The following ADAMTS12 variants were observed in gnomAD, a reference collection of about 807,000 sequenced individuals.
ADAMTS12 encodes ADAM metallopeptidase with thrombospondin type 1 motif 12.
In ADAMTS12, 118 loss-of-function variants were observed where a neutral mutation model predicts 167.8. The ratio of observed to expected loss-of-function variants is 0.70; its 90% CI spans 0.61 to 0.82. The LOEUF is 0.82. Ranked by LOEUF, ADAMTS12 falls within the 40% of genes least tolerant of loss-of-function variation. The pLI is 0.00. For missense variants in ADAMTS12, 1,916 were observed against 1,998.8 expected, an observed-to-expected ratio of 0.96 and a Z score of 0.79; for synonymous variants, 704 against 716.9, an observed-to-expected ratio of 0.98 and a Z score of 0.29.
intron 23 of ADAMTS12, among the ~76,000 whole-genome samples, chr5:33,533,780 A>G (rs936945113): frequency 6.6e-6 from 1 of 152,122 alleles, no homozygotes; most frequent in Admixed American, 6.5e-5. Context: ...GACACCCTTA[A>G]CTAGATAATT....
At chr5:33,549,635 G>A (rs554706403) in intron 20 of ADAMTS12, among the ~76,000 whole-genome samples, 5 of 152,216 alleles carry the variant, frequency 3.3e-5, no homozygotes, top group Non-Finnish European at 5.9e-5. Flanking sequence ...ACTGAAGTAC[G>A]CTGAGCCTCA....
chr5:33,543,890 C>G (rs563747686), intron 22 of ADAMTS12, among the ~76,000 whole-genome samples: 1 of 152,080 alleles, frequency 6.6e-6, no homozygotes, highest in Non-Finnish European at 1.5e-5. Flanking sequence ...TTATGACAAA[C>G]CCACAGCCAA....
chr5:33,626,880 G>A (rs573261591), intron 13 of ADAMTS12, among the ~76,000 whole-genome samples: 35 of 150,440 alleles, frequency 2.3e-4, no homozygotes, highest in South Asian at 1.3e-3. Context: ...TAGTGATAGC[G>A]GTGGTGATGG....
At chr5:33,778,408 T>C (rs761025200) in intron 2 of ADAMTS12, among the ~76,000 whole-genome samples, 1 of 152,162 alleles carries the variant, frequency 6.6e-6, no homozygotes, top group Non-Finnish European at 1.5e-5. Flanking sequence ...ATGCCAAGAA[T>C]GCATACAACA....
chr5:33,579,604 T>A (rs2111976780), intron 18 of ADAMTS12, among the ~76,000 whole-genome samples: 1 of 152,296 alleles, frequency 6.6e-6, no homozygotes, highest in Admixed American at 6.5e-5. Context: ...CCCATTGAAC[T>A]ATGAAGTCAA....
At position 33,661,112 on chromosome 5, in the gene ADAMTS12, T is replaced by C. The variant is rs539496457; in HGVS notation, c.1040+804A>G. Reference sequence around the variant, plus strand: ...GGCAGGGCCAAGAGGCCTCCTTTACTATACATACCTGGATTTCTGGACAAA... The same window carrying C: ...GGCAGGGCCAAGAGGCCTCCTTTACCATACATACCTGGATTTCTGGACAAA... On this transcript the variant is annotated intron_variant, in intron 6 of 23. Coordinates refer to ENST00000504830, the MANE Select transcript of ADAMTS12 (RefSeq NM_030955.4). Among the ~76,000 whole-genome samples the C allele has an allele frequency of 9.2e-4, 140 of 152,344 alleles. 1 individual carries two copies. Among genetic ancestry groups the C allele is most frequent in the Middle Eastern group, 3.4e-3 (1 of 294 alleles).
At chr5:33,833,283 T>C (rs1748376625) in intron 2 of ADAMTS12, among the ~76,000 whole-genome samples, 1 of 152,222 alleles carries the variant, frequency 6.6e-6, no homozygotes, top group African/African-American at 2.4e-5. Context: ...ATTGGCCTCA[T>C]TGGACTTAAG....
intron 21 of ADAMTS12, among the ~76,000 whole-genome samples, chr5:33,546,560 C>T (rs963610496): frequency 3.3e-5 from 5 of 152,090 alleles, no homozygotes; most frequent in African/African-American, 1.2e-4. Context: ...ATTTTGTTTG[C>T]CTCCTATTAA....
intron 22 of ADAMTS12, among the ~76,000 whole-genome samples, chr5:33,542,633 T>C (rs779304560): frequency 6.6e-6 from 1 of 152,164 alleles, no homozygotes; most frequent in African/African-American, 2.4e-5. Flanking sequence ...CCTCAGCAAA[T>C]GTAAAAGAAC....
At chr5:33,590,898 CTTTT>C (rs60630543) in intron 17 of ADAMTS12, among the ~76,000 whole-genome samples, 3 of 137,836 alleles carry the variant, frequency 2.2e-5, no homozygotes, top group Non-Finnish European at 3.1e-5. Context: ...CTTCTTCTTC[CTTTT>C]TTTTTTTTTT....
At chr5:33,757,241 T>C (rs1054309827) in intron 2 of ADAMTS12, among the ~76,000 whole-genome samples, 1 of 152,204 alleles carries the variant, frequency 6.6e-6, no homozygotes, top group African/African-American at 2.4e-5. Flanking sequence ...AGGAGCCAGA[T>C]TGGGAACACC....
At chr5:33,682,923 G>A (rs62352065) in intron 5 of ADAMTS12, 95 bp downstream of exon 5, 24 of 962,072 alleles carry the variant, frequency 2.5e-5, no homozygotes, top group Non-Finnish European at 3.8e-5. Flanking sequence ...ACACTTTCTG[G>A]TACCCTCTTT....
At chr5:33,584,473 G>C (rs1183123227) in intron 18 of ADAMTS12, among the ~76,000 whole-genome samples, 1 of 152,080 alleles carries the variant, frequency 6.6e-6, no homozygotes, top group Non-Finnish European at 1.5e-5. Context: ...CTGAGCTCAA[G>C]GAGAGGATAG....
intron 2 of ADAMTS12, among the ~76,000 whole-genome samples, chr5:33,844,337 C>T (rs1195581332): frequency 6.6e-6 from 1 of 152,226 alleles, no homozygotes; most frequent in African/African-American, 2.4e-5. Context: ...TATTTCTCTT[C>T]TTTCAAAAGC....
chr5:33,690,634 TG>T (rs1489143335), intron 3 of ADAMTS12, among the ~76,000 whole-genome samples: 1 of 152,154 alleles, frequency 6.6e-6, no homozygotes, highest in Non-Finnish European at 1.5e-5. Flanking sequence ...GTAAAAAGGA[TG>T]TTTGAAGATC....
intron 2 of ADAMTS12, among the ~76,000 whole-genome samples, chr5:33,838,453 A>T (rs1462888299): frequency 1.3e-5 from 2 of 152,102 alleles, no homozygotes; most frequent in Admixed American, 6.6e-5. Context: ...GAAGCCGAAG[A>T]AGGCAGATCA....
intron 2 of ADAMTS12, among the ~76,000 whole-genome samples, chr5:33,856,883 C>A (rs1749420381): frequency 6.6e-6 from 1 of 152,284 alleles, no homozygotes; most frequent in Admixed American, 6.5e-5. Flanking sequence ...TATGATTCAG[C>A]AATTCCACTT....
At chr5:33,767,222 C>G (rs913576770) in intron 2 of ADAMTS12, among the ~76,000 whole-genome samples, 8 of 152,068 alleles carry the variant, frequency 5.3e-5, no homozygotes, top group Admixed American at 3.3e-4. Context: ...ATAGGAAATA[C>G]AGGAAAGAAA....
At chr5:33,775,924 T>C (rs896110790) in intron 2 of ADAMTS12, among the ~76,000 whole-genome samples, 5 of 152,202 alleles carry the variant, frequency 3.3e-5, no homozygotes, top group African/African-American at 9.6e-5. Context: ...CATTATCCCT[T>C]CTGCCATATG....
Sources: gnomAD v4.1 joint callset for allele counts (sites outside exome capture counted in the v4.1 genomes callset) on GRCh38, gnomAD v4.1.1 for gene constraint, MANE v1.5 for transcripts, NCBI Gene and HGNC (gene_info 2026-07-23, HGNC 2026-07-21) for gene names.